Variants in ITGA9 observed in about 807,000 individuals in gnomAD.
ITGA9 encodes the protein integrin alpha-9.
In ITGA9, 56 loss-of-function variants were observed where a neutral mutation model predicts 127.8. That is an observed-to-expected ratio of 0.44 (90% CI 0.35 to 0.55). The LOEUF is 0.55. Ranked by LOEUF, ITGA9 falls within the 20% of genes least tolerant of loss-of-function variation. The probability of loss-of-function intolerance (pLI) is 0.00; values close to 1 mark genes in which losing one functional copy is unlikely to be tolerated. For synonymous variants in ITGA9, 508 were observed against 514.5 expected, an observed-to-expected ratio of 0.99 and a Z score of 0.17; for missense variants, 1,196 against 1,347.1, an observed-to-expected ratio of 0.89 and a Z score of 1.76.
intron 15 of ITGA9, among the ~76,000 whole-genome samples, chr3:37,559,169 T>A (rs749112807): frequency 1.4e-4 from 21 of 152,176 alleles, no homozygotes; most frequent in Non-Finnish European, 2.8e-4. Flanking sequence ...TTTCTAAGGA[T>A]GAGTAAAGAG....
chr3:37,470,943 T>C (rs1698423997), intron 1 of ITGA9, 64 bp from the exon 2 acceptor site: 3 of 1,585,652 alleles, frequency 1.9e-6, no homozygotes, highest in Admixed American at 3.3e-5. Context: ...GGTGAATACT[T>C]AGCCATCTGC....
intron 15 of ITGA9, among the ~76,000 whole-genome samples, chr3:37,605,070 T>G (rs991851770): frequency 6.6e-6 from 1 of 152,098 alleles, no homozygotes; most frequent in Non-Finnish European, 1.5e-5. Context: ...TTGTTACGAG[T>G]GCTATGAGGG....
At chr3:37,495,141 C>T (rs567496273) in intron 5 of ITGA9, among the ~76,000 whole-genome samples, 7 of 152,182 alleles carry the variant, frequency 4.6e-5, no homozygotes, top group South Asian at 4.2e-4. Context: ...TTAGTAGAGA[C>T]GGGGTTTCGC....
At chr3:37,473,136 C>CAAAAAAAAAA (rs36109791) in intron 2 of ITGA9, among the ~76,000 whole-genome samples, 101 of 70,712 alleles carry the variant, frequency 1.4e-3, no homozygotes, top group East Asian at 2.1e-3. Flanking sequence ...GAGACTGTCT[C>CAAAAAAAAAA]AAAAAAAAAA....
intron 17 of ITGA9, among the ~76,000 whole-genome samples, chr3:37,659,865 G>A (rs182884861): frequency 1.2e-4 from 19 of 152,102 alleles, no homozygotes; most frequent in Non-Finnish European, 2.5e-4. Flanking sequence ...TGGGGTTTCT[G>A]TATGGACGTA....
chr3:37,736,425 GCT>G (rs1217625510), intron 19 of ITGA9, among the ~76,000 whole-genome samples: 1 of 152,192 alleles, frequency 6.6e-6, no homozygotes, highest in African/African-American at 2.4e-5. Flanking sequence ...GTTCAGCATT[GCT>G]CTGTTTTCAT....
At chr3:37,663,027 G>T (rs1241013166) in intron 17 of ITGA9, among the ~76,000 whole-genome samples, 1 of 152,138 alleles carries the variant, frequency 6.6e-6, no homozygotes, top group Admixed American at 6.5e-5. Flanking sequence ...ATGAATTCTG[G>T]CAGGCCTGTG....
intron 1 of ITGA9, among the ~76,000 whole-genome samples, chr3:37,454,875 T>TA (rs1267176473): frequency 6.6e-6 from 1 of 152,156 alleles, no homozygotes; most frequent in Non-Finnish European, 1.5e-5. Context: ...ATGTGTTTTT[T>TA]ACCCAGGCTT....
chr3:37,516,318 G>A (rs148874839), intron 9 of ITGA9, among the ~76,000 whole-genome samples: 336 of 152,254 alleles, frequency 2.2e-3, no homozygotes, highest in African/African-American at 6.9e-3. Context: ...AAAAAATTCT[G>A]ACTTTGGAGC....
intron 2 of ITGA9, among the ~76,000 whole-genome samples, chr3:37,472,223 T>C (rs960822954): frequency 6.6e-6 from 1 of 152,166 alleles, no homozygotes; most frequent in Non-Finnish European, 1.5e-5. Flanking sequence ...AAGACTAATA[T>C]ACCTACCTCG....
intron 18 of ITGA9, among the ~76,000 whole-genome samples, chr3:37,709,424 T>A (rs2685076): frequency 0.69 from 105,659 of 152,130 alleles, 37,967 homozygotes; most frequent in African/African-American, 0.89. Flanking sequence ...ACCCTGAACC[T>A]TGGAAGCCTT....
chr3:37,789,430 C>T (rs190334108), intron 26 of ITGA9, among the ~76,000 whole-genome samples: 2 of 152,064 alleles, frequency 1.3e-5, no homozygotes, highest in Non-Finnish European at 2.9e-5. Flanking sequence ...TATTCCATGG[C>T]AATCTTGAAA....
At chr3:37,492,140 C>G (rs751124340) in intron 4 of ITGA9, among the ~76,000 whole-genome samples, 5 of 152,000 alleles carry the variant, frequency 3.3e-5, no homozygotes, top group Non-Finnish European at 7.4e-5. Context: ...GGATTAATGA[C>G]AGTCACAGAA....
intron 26 of ITGA9, among the ~76,000 whole-genome samples, chr3:37,788,979 G>A (rs1043107083): frequency 7.9e-5 from 12 of 152,100 alleles, no homozygotes; most frequent in African/African-American, 4.8e-5. Flanking sequence ...TAACTGTAAA[G>A]ATGATTATTC....
intron 27 of ITGA9, 128 bp downstream of exon 27, chr3:37,804,070 G>A: frequency 1.5e-6 from 2 of 1,373,742 alleles, no homozygotes; most frequent in Non-Finnish European, 2.0e-6. Context: ...GAAGGACAGT[G>A]ACCCTTCAGG....
chr3:37,475,264 A>C (rs534557490), intron 3 of ITGA9, among the ~76,000 whole-genome samples: 1 of 152,358 alleles, frequency 6.6e-6, no homozygotes, highest in South Asian at 2.1e-4. Flanking sequence ...CAAGGTCCTG[A>C]TTCAGAACAA....
At chr3:37,586,915 T>G (rs76864379) in intron 15 of ITGA9, among the ~76,000 whole-genome samples, 2,618 of 152,336 alleles carry the variant, frequency 0.017, 34 homozygotes, top group Middle Eastern at 0.027. Flanking sequence ...ACACCCTTTC[T>G]TCTGTCTTTT....
At chr3:37,521,826 T>C (rs1699047021) in intron 11 of ITGA9, among the ~76,000 whole-genome samples, 1 of 152,244 alleles carries the variant, frequency 6.6e-6, no homozygotes, top group Non-Finnish European at 1.5e-5. Context: ...CATGTTTGTT[T>C]AGACAGAGCC....
At chr3:37,651,124 T>C (rs552835640) in intron 16 of ITGA9, among the ~76,000 whole-genome samples, 1 of 152,296 alleles carries the variant, frequency 6.6e-6, no homozygotes, top group African/African-American at 2.4e-5. Flanking sequence ...CATGTGCATG[T>C]GTGCATATAC....
Sources: allele counts gnomAD v4.1 joint callset (sites outside exome capture counted in the v4.1 genomes callset), GRCh38; gene constraint gnomAD v4.1.1; transcripts MANE v1.5; gene names NCBI Gene and HGNC (gene_info 2026-07-23, HGNC 2026-07-21).